PDXDC1: variants seen among roughly 807,000 people sequenced by gnomAD.
PDXDC1 encodes pyridoxal-dependent decarboxylase domain-containing protein 1.
Under a neutral mutation model 100.1 loss-of-function variants are expected in PDXDC1, and 42 were observed. The observed-to-expected ratio is 0.42, with a 90% CI of 0.33 to 0.54. The LOEUF (loss-of-function observed/expected upper bound fraction) is 0.54, where lower values mean the gene tolerates loss of function less well. Among genes scored for constraint, PDXDC1 ranks in the 20% least tolerant of loss-of-function variants. The pLI is 0.10. For missense variants in PDXDC1, 636 were observed against 979.2 expected (o/e 0.65, Z 4.68); for synonymous variants, 260 against 371.7 (o/e 0.70, Z 3.46).
At chr16:15,101,348 G>A (rs1197732314) in intron 16 of PDXDC1, among the ~76,000 whole-genome samples, 5 of 152,272 alleles carry the variant, frequency 3.3e-5, no homozygotes, top group African/African-American at 4.8e-5. Context: ...ACGGAGTCTC[G>A]CTCTTTCACC....
intron 16 of PDXDC1, chr16:15,069,972 C>G: frequency 6.9e-7 from 1 of 1,441,332 alleles, no homozygotes; most frequent in Non-Finnish European, 9.5e-7. Context: ...TTTTCTGAAT[C>G]CAGTTTTTAT....
At chr16:15,090,520 G>A (rs889514348) in intron 16 of PDXDC1, among the ~76,000 whole-genome samples, 2 of 152,212 alleles carry the variant, frequency 1.3e-5, no homozygotes, top group African/African-American at 4.8e-5. Flanking sequence ...GATCATTTGA[G>A]GCCAGGAGTT....
At chr16:14,976,217 C>G (rs888651412) in intron 1 of PDXDC1, among the ~76,000 whole-genome samples, 3 of 152,286 alleles carry the variant, frequency 2.0e-5, no homozygotes, top group East Asian at 1.9e-4. Context: ...GTCTGCTTGT[C>G]CAATCCAGTG....
downstream of PDXDC1, among the ~76,000 whole-genome samples, chr16:15,043,182 G>A (rs1380302280): frequency 1.3e-5 from 2 of 152,106 alleles, no homozygotes; most frequent in African/African-American, 2.4e-5. Flanking sequence ...TTACAGGCAT[G>A]AGCCACCGCA....
intron 16 of PDXDC1, among the ~76,000 whole-genome samples, chr16:15,082,453 G>A (rs1012966519): frequency 2.0e-5 from 3 of 151,744 alleles, no homozygotes; most frequent in African/African-American, 4.8e-5. Flanking sequence ...CGGGTAGATC[G>A]CTTGAGGTCA....
the PDXDC1 span, among the ~76,000 whole-genome samples, chr16:15,150,234 A>C: frequency 6.6e-6 from 1 of 151,932 alleles, no homozygotes; most frequent in African/African-American, 2.4e-5. Context: ...CAGGCTACTC[A>C]GGAGGCTGAG....
chr16:15,037,718 A>AAAAG lies in PDXDC1; in HGVS notation c.*1445_*1448dup, dbSNP rs2043564210. ...GAATTCAGTTTATAAATCTTATTAC[A>AAAAG]AAAGACTTACCCACGTACCTGAAAT... On this transcript the variant is annotated 3_prime_UTR_variant, in exon 23 of 23. Coordinates refer to ENST00000396410, the MANE Select transcript of PDXDC1 (RefSeq NM_015027.4). 1 of 230,900 alleles carries AAAAG rather than the reference A, an allele frequency of 4.3e-6. No individual in the cohort carries two copies. The allele number at this position is 230,900 out of a possible 1,614,324, so 14.3% of individuals were successfully genotyped here.
At chr16:14,988,226 A>C (rs1383467077) in intron 1 of PDXDC1, 3 of 1,613,248 alleles carry the variant, frequency 1.9e-6, no homozygotes. Context: ...TGTCTTGTGC[A>C]AATGGTGGCT....
At chr16:14,982,412 C>G (rs8060763) in intron 1 of PDXDC1, among the ~76,000 whole-genome samples, 30,120 of 146,956 alleles carry the variant, frequency 0.2, 673 homozygotes, top group African/African-American at 0.34. Flanking sequence ...CACCTGAGGT[C>G]AGGAGTTCGA....
chr16:15,017,234 T>C (rs1424097926), intron 10 of PDXDC1, 66 bp downstream of exon 10: 1 of 1,609,852 alleles, frequency 6.2e-7, no homozygotes, highest in African/African-American at 1.3e-5. Flanking sequence ...CAGTCCCTCA[T>C]GGCTCTTCAC....
intron 1 of PDXDC1, among the ~76,000 whole-genome samples, chr16:14,991,267 A>ATATG (rs1555545860): frequency 1.1e-3 from 169 of 149,864 alleles, no homozygotes; most frequent in Non-Finnish European, 1.7e-3. Flanking sequence ...GTATATAGAT[A>ATATG]TGTGTGTGTG....
chr16:15,045,998 A>T (rs140508659), intron 16 of PDXDC1: 2 of 152,094 alleles, frequency 1.3e-5, no homozygotes, highest in Non-Finnish European at 2.9e-5. Flanking sequence ...TTTGCCTCTG[A>T]CTCCCTGAGC....
chr16:15,076,380 C>G, intron 16 of PDXDC1: 1 of 618,694 alleles, frequency 1.6e-6, no homozygotes, highest in Non-Finnish European at 2.9e-6. Flanking sequence ...TGGAAATAGA[C>G]CAACTATGCT....
downstream of PDXDC1, among the ~76,000 whole-genome samples, chr16:15,042,055 C>A (rs1030622599): frequency 6.6e-5 from 10 of 152,176 alleles, no homozygotes; most frequent in African/African-American, 2.4e-4. Flanking sequence ...TGTAACAGAT[C>A]TGAAAAATAC....
At chr16:15,112,177 A>T (rs1264282947) in intron 16 of PDXDC1, among the ~76,000 whole-genome samples, 1 of 148,864 alleles carries the variant, frequency 6.7e-6, no homozygotes, top group Admixed American at 6.7e-5. Flanking sequence ...AGCAAATCCC[A>T]TCTCAGATGT....
chr16:15,075,050 G>A lies in PDXDC1; in HGVS notation c.1399+44994G>A, dbSNP rs556249192. ...GGATCACTTGAGGTCAGGAGTTTGA[G>A]ACCAGCCTGGCCAACATGGTAAAAC... On this transcript the variant is annotated intron_variant, in intron 16 of 16. Coordinates refer to the PDXDC1 transcript ENST00000535621. 3.3e-5 allele frequency among the ~76,000 whole-genome samples: 5 copies of A among 152,156 alleles called. No individual in the cohort carries two copies. The South Asian group carries it at 1.0e-3, about 32-fold the overall frequency.
At chr16:15,135,092 T>C (rs2048285803) in intron 16 of PDXDC1, 1 of 614,060 alleles carries the variant, frequency 1.6e-6, no homozygotes, top group Non-Finnish European at 3.0e-6. Context: ...TTGAAGACTG[T>C]ATGTGGAACT....
chr16:15,072,975 A>G (rs778334059), intron 16 of PDXDC1: 1 of 1,613,846 alleles, frequency 6.2e-7, no homozygotes, highest in South Asian at 1.1e-5. Flanking sequence ...GAGGTAAAAC[A>G]TGAAAAACTG....
rs1441573575 is a variant in PDXDC1 at position 15,034,571 on chromosome 16, C to T, written c.2002+18C>T. 4 of 1,575,458 alleles carry T rather than the reference C, an allele frequency of 2.5e-6. No homozygotes were observed. In the East Asian group the frequency reaches 6.7e-5, roughly 26 times the overall value. On this transcript the variant is annotated intron_variant, in intron 21 of 22. Transcript: ENST00000396410. ...GACAGCAGGTAGGACGGCATAGCCT[C>T]TTCCCAGGTCTTGCTGACCTTGGGA...
Sources: allele counts gnomAD v4.1 joint callset (sites outside exome capture counted in the v4.1 genomes callset), GRCh38; gene constraint gnomAD v4.1.1; transcripts MANE v1.5; gene names NCBI Gene and HGNC (gene_info 2026-07-23, HGNC 2026-07-21).